The following STAC variants were observed in gnomAD, a reference collection of about 807,000 sequenced individuals.
The protein encoded by STAC is SH3 and cysteine rich domain, also known as SH3 and cysteine-rich domain-containing protein.
Under a neutral mutation model 48.8 loss-of-function variants are expected in STAC, and 43 were observed. The observed-to-expected ratio is 0.88, with a 90% CI of 0.69 to 1.14. STAC has a LOEUF of 1.14. Ranked by LOEUF, STAC falls within the 50% of genes most tolerant of loss-of-function variation. STAC has a pLI of 0.00. For synonymous variants in STAC, 193 were observed against 179.5 expected, an observed-to-expected ratio of 1.07 and a Z score of -0.60; for missense variants, 497 against 504.0, an observed-to-expected ratio of 0.99 and a Z score of 0.13.
At chr3:36,452,061 G>A (rs181020288) in intron 2 of STAC, among the ~76,000 whole-genome samples, 1 of 152,160 alleles carries the variant, frequency 6.6e-6, no homozygotes, top group Non-Finnish European at 1.5e-5. Flanking sequence ...GCACATTCTT[G>A]CCTTTTATAT....
At chr3:36,405,008 A>C (rs1700063530) in intron 1 of STAC, among the ~76,000 whole-genome samples, 1 of 152,138 alleles carries the variant, frequency 6.6e-6, no homozygotes, top group Non-Finnish European at 1.5e-5. Flanking sequence ...TGCCATCCTA[A>C]TATATTATCT....
At chr3:36,496,563 C>A (rs754179358) in intron 6 of STAC, among the ~76,000 whole-genome samples, 10 of 152,228 alleles carry the variant, frequency 6.6e-5, no homozygotes, top group Non-Finnish European at 1.2e-4. Context: ...AAGTACAATT[C>A]ATACTAATTT....
intron 8 of STAC, among the ~76,000 whole-genome samples, chr3:36,512,740 T>C (rs889329486): frequency 6.6e-6 from 1 of 152,216 alleles, no homozygotes; most frequent in African/African-American, 2.4e-5. Flanking sequence ...GTGAAATGTC[T>C]GCATTGCATA....
At chr3:36,540,454 T>G (rs916333224) in intron 10 of STAC, among the ~76,000 whole-genome samples, 13 of 152,112 alleles carry the variant, frequency 8.5e-5, no homozygotes, top group African/African-American at 3.1e-4. Context: ...TCTAATCACT[T>G]GAGCCCTTAA....
chr3:36,466,739 C>G (rs1697185629), intron 2 of STAC, among the ~76,000 whole-genome samples: 1 of 152,096 alleles, frequency 6.6e-6, no homozygotes, highest in Non-Finnish European at 1.5e-5. Flanking sequence ...ATTCTAGGAG[C>G]TTTTTGGATG....
chr3:36,496,777 G>A (rs534238710), intron 6 of STAC, among the ~76,000 whole-genome samples: 14 of 152,256 alleles, frequency 9.2e-5, no homozygotes, highest in South Asian at 2.1e-4. Flanking sequence ...GTAAAATCTC[G>A]CCTGAAGTAA....
chr3:36,442,773 C>T (rs1696386056), intron 1 of STAC, among the ~76,000 whole-genome samples: 3 of 150,104 alleles, frequency 2.0e-5, no homozygotes, highest in African/African-American at 7.4e-5. Context: ...CACACACACA[C>T]ACACACACAC....
chr3:36,494,648 C>T (rs553654529), intron 6 of STAC, among the ~76,000 whole-genome samples: 1 of 152,210 alleles, frequency 6.6e-6, no homozygotes, highest in Non-Finnish European at 1.5e-5. Flanking sequence ...ACCATGCCCC[C>T]CCTTGCCAGA....
In STAC at chr3:36,384,483, CA is replaced by C. The variant is rs1480688228; in HGVS notation, c.111+3732del. Among the ~76,000 whole-genome samples, 3 of 152,258 alleles carry C rather than the reference CA, an allele frequency of 2.0e-5. No homozygotes were observed. The East Asian group carries it at 5.8e-4, about 29-fold the overall frequency. ...CTAATATGTTTGTTATAAGCATACA[CA>C]AACATAAACCATTATTTATTTTCTC... On this transcript the variant is annotated intron_variant, in intron 1 of 10. Transcript: ENST00000273183.
intron 1 of STAC, among the ~76,000 whole-genome samples, chr3:36,425,874 A>G (rs1700552383): frequency 6.6e-6 from 1 of 152,032 alleles, no homozygotes; most frequent in South Asian, 2.1e-4. Flanking sequence ...CAAAAATACA[A>G]AAACGAAATA....
chr3:36,507,450 G>A (rs1415921151), intron 8 of STAC, among the ~76,000 whole-genome samples: 6 of 152,126 alleles, frequency 3.9e-5, no homozygotes, highest in African/African-American at 1.2e-4. Context: ...TTAGGGAGGA[G>A]TCCCTCTTTT....
chr3:36,516,396 A>G (rs373741224), intron 8 of STAC, among the ~76,000 whole-genome samples: 1 of 152,254 alleles, frequency 6.6e-6, no homozygotes, highest in African/African-American at 2.4e-5. Flanking sequence ...TACTTTTCTT[A>G]GAAGTGCCAT....
intron 10 of STAC, among the ~76,000 whole-genome samples, chr3:36,530,580 C>CTTTTTTTTTTT (rs775751742): frequency 1.9e-5 from 2 of 102,726 alleles, no homozygotes; most frequent in African/African-American, 4.1e-5. Flanking sequence ...TTCACCTTTT[C>CTTTTTTTTTTT]TTTTTTTTTT....
intron 10 of STAC, 35 bp downstream of exon 10, chr3:36,529,020 G>A (rs749833239): frequency 6.5e-7 from 1 of 1,546,724 alleles, no homozygotes; most frequent in South Asian, 1.2e-5. Flanking sequence ...CCAGATATGA[G>A]CCAAATAGGG....
intron 1 of STAC, among the ~76,000 whole-genome samples, chr3:36,435,483 C>G (rs1700811610): frequency 6.6e-6 from 1 of 152,164 alleles, no homozygotes; most frequent in Admixed American, 6.5e-5. Context: ...AGATTTAATA[C>G]ATGCTGGAGT....
chr3:36,413,726 G>A (rs562057825), intron 1 of STAC, among the ~76,000 whole-genome samples: 1 of 152,242 alleles, frequency 6.6e-6, no homozygotes, highest in South Asian at 2.1e-4. Context: ...TATGATGTTA[G>A]CTGGTTATTT....
intron 8 of STAC, among the ~76,000 whole-genome samples, chr3:36,512,274 A>C (rs1262585421): frequency 6.6e-6 from 1 of 152,214 alleles, no homozygotes; most frequent in African/African-American, 2.4e-5. Flanking sequence ...GTTCTGTTAC[A>C]GACATGACAA....
At chr3:36,526,252 C>T (rs369099834) in intron 8 of STAC, among the ~76,000 whole-genome samples, 250 of 152,214 alleles carry the variant, frequency 1.6e-3, no homozygotes, top group African/African-American at 5.7e-3. Context: ...ATTATTCACC[C>T]CCCCTCCCCA....
At chr3:36,517,570 C>A (rs1006821977) in intron 8 of STAC, among the ~76,000 whole-genome samples, 1 of 152,182 alleles carries the variant, frequency 6.6e-6, no homozygotes, top group Non-Finnish European at 1.5e-5. Context: ...AGAAGGATCA[C>A]TTGAGCCCAG....
Sources: gnomAD v4.1 joint callset for allele counts (sites outside exome capture counted in the v4.1 genomes callset) on GRCh38, gnomAD v4.1.1 for gene constraint, MANE v1.5 for transcripts, NCBI Gene and HGNC (gene_info 2026-07-23, HGNC 2026-07-21) for gene names.